NAALADL2: variants seen among roughly 807,000 people sequenced by gnomAD.
The protein encoded by NAALADL2 is N-acetylated alpha-linked acidic dipeptidase like 2, also known as inactive N-acetylated-alpha-linked acidic dipeptidase-like protein 2.
NAALADL2 carries 76 observed loss-of-function variants against 87.2 expected under a neutral mutation model. That is an observed-to-expected ratio of 0.87 (90% CI 0.72 to 1.05). The LOEUF is 1.05. Ranked by LOEUF, NAALADL2 falls within the 50% of genes least tolerant of loss-of-function variation. The pLI, the probability that NAALADL2 is intolerant of heterozygous loss-of-function variation, is 0.00. For missense variants in NAALADL2, 1,089 were observed against 945.8 expected, an observed-to-expected ratio of 1.15 and a Z score of -1.99; for synonymous variants, 354 against 331.0, an observed-to-expected ratio of 1.07 and a Z score of -0.75.
intron 2 of NAALADL2, among the ~76,000 whole-genome samples, chr3:175,110,907 G>C (rs941281444): frequency 2.0e-5 from 3 of 151,716 alleles, no homozygotes; most frequent in African/African-American, 7.2e-5. Context: ...ATGAATTAAA[G>C]TTGTTTTTAT....
chr3:175,039,321 G>A (rs9837135), intron 1 of NAALADL2, among the ~76,000 whole-genome samples: 1 of 151,820 alleles, frequency 6.6e-6, no homozygotes. Context: ...CATGTGCCAC[G>A]ACGCCTGGCT....
intron 2 of NAALADL2, among the ~76,000 whole-genome samples, chr3:175,226,758 G>A (rs1033345400): frequency 6.6e-6 from 1 of 152,082 alleles, no homozygotes; most frequent in Admixed American, 6.6e-5. Context: ...TGCCATTAGT[G>A]GCTCTGTTGC....
intron 1 of NAALADL2, among the ~76,000 whole-genome samples, chr3:174,441,633 G>T (rs1714644035): frequency 6.6e-6 from 1 of 152,138 alleles, no homozygotes; most frequent in Admixed American, 6.5e-5. Flanking sequence ...CTGCGCTGCT[G>T]GTTCTACCCT....
At chr3:174,699,406 A>T (rs894678132) in intron 2 of NAALADL2, among the ~76,000 whole-genome samples, 2 of 151,200 alleles carry the variant, frequency 1.3e-5, no homozygotes, top group African/African-American at 4.9e-5. Context: ...GCAGGGGAGA[A>T]TCCCTTGAAC....
chr3:175,360,828 G>GTA (rs1764908620), intron 5 of NAALADL2, among the ~76,000 whole-genome samples: 2 of 148,370 alleles, frequency 1.3e-5, no homozygotes, highest in Non-Finnish European at 1.5e-5. Context: ...GTGTGTGTAT[G>GTA]TGTGTGTGTG....
Position 175,619,225 on chromosome 3 carries a change from G to GAGAA in NAALADL2, c.1801-8055_1801-8052dup, listed in dbSNP as rs773875464. Among the ~76,000 whole-genome samples the GAGAA allele has an allele frequency of 7.9e-3, 853 of 107,960 alleles. 2 individuals are homozygous for GAGAA. Among genetic ancestry groups the GAGAA allele is most frequent in the Non-Finnish European group, 0.014 (679 of 49,812 alleles). 70.8% of individuals were successfully genotyped at this position (107,960 alleles called of 152,430 possible). On this transcript the variant is annotated intron_variant, in intron 10 of 13. Transcript: ENST00000454872. Reference sequence around the variant, plus strand: ...TCAGACAAAAAAAAAGAGAGAAAGAGAGAAAGAAAGAAAGGAAGGAAGGAA... The same window carrying GAGAA: ...TCAGACAAAAAAAAAGAGAGAAAGAGAGAAAGAAAGAAAGAAAGGAAGGAAGGAA...
chr3:175,480,351 CAT>C (rs1726276357), intron 9 of NAALADL2, among the ~76,000 whole-genome samples: 1 of 151,742 alleles, frequency 6.6e-6, no homozygotes, highest in Admixed American at 6.6e-5. Context: ...TTGTTGTAGA[CAT>C]ATATCAATGG....
intron 9 of NAALADL2, among the ~76,000 whole-genome samples, chr3:175,509,279 C>T (rs1582184819): frequency 6.6e-6 from 1 of 152,148 alleles, no homozygotes; most frequent in African/African-American, 2.4e-5. Flanking sequence ...TCCTCAGGTG[C>T]CCCACAAGAC....
intron 13 of NAALADL2, among the ~76,000 whole-genome samples, chr3:175,760,142 T>C (rs1002021629): frequency 7.9e-5 from 12 of 152,262 alleles, no homozygotes; most frequent in Admixed American, 6.5e-5. Flanking sequence ...AATTTAGTGA[T>C]TGTGTGGCTC....
intron 1 of NAALADL2, among the ~76,000 whole-genome samples, chr3:174,887,790 T>C (rs1446696069): frequency 2.0e-5 from 3 of 150,212 alleles, no homozygotes; most frequent in African/African-American, 7.4e-5. Flanking sequence ...AGCGATACCC[T>C]GTCTCAAAAA....
At chr3:174,923,938 G>A (rs1735604268) in intron 1 of NAALADL2, among the ~76,000 whole-genome samples, 1 of 152,104 alleles carries the variant, frequency 6.6e-6, no homozygotes, top group African/African-American at 2.4e-5. Flanking sequence ...AACACATGCT[G>A]TAATGGCATT....
intron 2 of NAALADL2, among the ~76,000 whole-genome samples, chr3:175,204,111 C>T (rs902512964): frequency 1.3e-5 from 2 of 152,096 alleles, no homozygotes; most frequent in African/African-American, 4.8e-5. Context: ...CAGCATCACC[C>T]TAATACCAAA....
At chr3:174,603,993 C>T (rs142710039) in intron 2 of NAALADL2, among the ~76,000 whole-genome samples, 9 of 152,146 alleles carry the variant, frequency 5.9e-5, no homozygotes, top group African/African-American at 2.2e-4. Context: ...ATGGTCTATC[C>T]TTGAGGATGG....
intron 2 of NAALADL2, among the ~76,000 whole-genome samples, chr3:175,226,085 G>A (rs952851877): frequency 2.0e-5 from 3 of 151,992 alleles, no homozygotes; most frequent in Non-Finnish European, 4.4e-5. Flanking sequence ...TCAGCTTTTT[G>A]CCTGGGACTT....
intron 2 of NAALADL2, among the ~76,000 whole-genome samples, chr3:175,116,104 T>C (rs868768730): frequency 1.3e-4 from 20 of 152,012 alleles, no homozygotes; most frequent in Admixed American, 9.2e-4. Context: ...GAGCTAGTTA[T>C]GACAAACCCA....
intron 1 of NAALADL2, among the ~76,000 whole-genome samples, chr3:174,928,485 C>G (rs1373564279): frequency 6.6e-6 from 1 of 152,148 alleles, no homozygotes; most frequent in Non-Finnish European, 1.5e-5. Context: ...CTGGATTCAC[C>G]CGCCTCGGCC....
intron 2 of NAALADL2, among the ~76,000 whole-genome samples, chr3:174,606,444 A>T (rs2108624988): frequency 6.6e-6 from 1 of 152,296 alleles, no homozygotes. Flanking sequence ...CGAATGTATA[A>T]CTAGAATAAC....
At position 175,052,452 on chromosome 3, in the gene NAALADL2, A is replaced by G. The variant is rs575416392; in HGVS notation, c.44-44338A>G. ...TGATAAAAGCAAAGGCAGCTTTGTCATGGTGAGCTACTTCTTGGAGGAGTC... is the reference window on the plus strand; with the variant it reads ...TGATAAAAGCAAAGGCAGCTTTGTCGTGGTGAGCTACTTCTTGGAGGAGTC... On this transcript the variant is annotated intron_variant, in intron 1 of 13. Transcript: ENST00000454872. Among the ~76,000 whole-genome samples the G allele has an allele frequency of 1.4e-4, 21 of 152,342 alleles. No homozygotes were observed. The South Asian group carries it at 1.4e-3, about 11-fold the overall frequency.
intron 2 of NAALADL2, among the ~76,000 whole-genome samples, chr3:175,118,121 G>GC (rs1580543656): frequency 8.1e-6 from 1 of 124,110 alleles, no homozygotes; most frequent in East Asian, 2.4e-4. Context: ...GTCGTAGGGT[G>GC]GGGGGGAGGC....
Sources: allele counts gnomAD v4.1 joint callset (sites outside exome capture counted in the v4.1 genomes callset), GRCh38; gene constraint gnomAD v4.1.1; transcripts MANE v1.5; gene names NCBI Gene and HGNC (gene_info 2026-07-23, HGNC 2026-07-21).